The following XKR5 variants were observed in gnomAD, a reference collection of about 807,000 sequenced individuals.
The protein encoded by XKR5 is XK-related protein 5.
In XKR5, 46 loss-of-function variants were observed where a neutral mutation model predicts 40.8. The observed-to-expected ratio is 1.13, with a 90% confidence interval of 0.89 to 1.44. The LOEUF (loss-of-function observed/expected upper bound fraction) is 1.44. Ranked by LOEUF, XKR5 falls within the 40% of genes most tolerant of loss-of-function variation. XKR5 has a pLI of 0.00. For missense variants in XKR5, 1,169 were observed against 844.7 expected (o/e 1.38, Z -4.76); for synonymous variants, 466 against 356.1 (o/e 1.31, Z -3.48).
Position 6,811,304 on chromosome 8 carries a change from C to T in XKR5, c.1955G>A (p.Arg652Lys), listed in dbSNP as rs746041075. Reference protein sequence around the residue: ...VGVWVSLPQLRTAHEPCLTST... With the variant: ...VGVWVSLPQLKTAHEPCLTST... ...CGTGAGGCAGGGCTCATGGGCAGTC[C>T]TCAGCTGTGGCAATGACACCCACAC... Residue 652 changes from arginine to lysine, a missense_variant, in exon 7 of 7, where the codon AGG (arginine) becomes AAG (lysine). Transcript: ENST00000618742. 1 of 1,537,332 alleles carries T rather than the reference C, an allele frequency of 6.5e-7. No homozygotes were observed. The highest frequency in any genetic ancestry group is 8.7e-7 in the Non-Finnish European group (1 of 1,146,946).
chr8:6,814,544 C>G (rs569778293), intron 6 of XKR5, among the ~76,000 whole-genome samples: 1 of 152,260 alleles, frequency 6.6e-6, no homozygotes, highest in South Asian at 2.1e-4. Flanking sequence ...CCCTGCACCT[C>G]GACGTACTAC....
intron 5 of XKR5, among the ~76,000 whole-genome samples, chr8:6,817,697 C>G (rs1378883907): frequency 6.6e-6 from 1 of 152,188 alleles, no homozygotes; most frequent in African/African-American, 2.4e-5. Context: ...CCGAGCAGTT[C>G]CTTTAGAAAG....
Position 6,811,812 on chromosome 8 carries a change from C to T in XKR5, c.1447G>A (p.Glu483Lys). 4.6e-6 allele frequency: 7 copies of T among 1,537,638 alleles called. No individual in the cohort carries two copies. Among genetic ancestry groups the T allele is most frequent in the Non-Finnish European group, 6.1e-6 (7 of 1,146,998 alleles). Residue 483 changes from glutamate to lysine, a missense_variant, in exon 7 of 7, where the codon GAA (glutamate) becomes AAA (lysine). Physicochemically the swap from Glu to Lys is moderately conservative, Grantham distance 56. Coordinates refer to ENST00000618742, the MANE Select transcript of XKR5 (RefSeq NM_207411.5). The part of the protein sequence containing the change: ...GVPKAEADPL[E>K]TSSYVSFASD... ...GCAAAAGATACGTAACTTGAGGTTTCCAATGGGTCGGCCTCTGCTTTAGGG... is the reference window on the plus strand; with the variant it reads ...GCAAAAGATACGTAACTTGAGGTTTTCAATGGGTCGGCCTCTGCTTTAGGG...
intron 2 of XKR5, among the ~76,000 whole-genome samples, chr8:6,827,989 G>T (rs950451353): frequency 3.3e-5 from 5 of 152,040 alleles, no homozygotes; most frequent in Non-Finnish European, 7.4e-5. Flanking sequence ...GATCACTTGA[G>T]CCCAGAAGTT....
rs780543245 is a variant in XKR5 at position 6,810,945 on chromosome 8, A to T, written c.*253T>A. On this transcript the variant is annotated 3_prime_UTR_variant, in exon 7 of 7. Coordinates refer to ENST00000618742, the MANE Select transcript of XKR5 (RefSeq NM_207411.5). ...TCATAAAAGGTAGCAGACAATTTTG[A>T]CTGGAATCTCTTTCTCCTCCTCTAA... The T allele has an allele frequency of 2.9e-6, 1 of 346,326 alleles. No individual in the cohort carries two copies. Among genetic ancestry groups the T allele is most frequent in the Non-Finnish European group, 5.2e-6 (1 of 192,718 alleles). 21.5% of individuals were successfully genotyped at this position (346,326 alleles called of 1,614,324 possible).
intron 5 of XKR5, among the ~76,000 whole-genome samples, chr8:6,816,922 G>A (rs539817968): frequency 3.2e-4 from 48 of 152,172 alleles, no homozygotes; most frequent in African/African-American, 1.1e-3. Flanking sequence ...GAGCTGCTTC[G>A]TAATCCTATG....
In XKR5 at chr8:6,808,706, C is replaced by T. The variant is rs1176342832; in HGVS notation, c.*2492G>A. 6.6e-6 allele frequency: 1 copy of T among 152,176 alleles called. No individual in the cohort carries two copies. The highest frequency in any genetic ancestry group is 1.5e-5 in the Non-Finnish European group (1 of 68,034). 9.4% of individuals were successfully genotyped at this position (152,176 alleles called of 1,614,324 possible). On this transcript the variant is annotated 3_prime_UTR_variant, in exon 7 of 7. Coordinates refer to ENST00000618742, the MANE Select transcript of XKR5 (RefSeq NM_207411.5). ...TGATTTCTGCATACTCAGTGCCTGT[C>T]ATACTCAACTAATATTCCTTAAATG...
At chr8:6,827,586 C>G (rs1804569037) in intron 2 of XKR5, among the ~76,000 whole-genome samples, 1 of 152,198 alleles carries the variant, frequency 6.6e-6, no homozygotes, top group Admixed American at 6.5e-5. Context: ...CTTACTGTGT[C>G]TTGATTCCTG....
intron 2 of XKR5, among the ~76,000 whole-genome samples, chr8:6,830,485 C>A (rs1477327868): frequency 6.6e-6 from 1 of 152,176 alleles, no homozygotes; most frequent in East Asian, 1.9e-4. Context: ...AGAAACACTG[C>A]AAATCTTGCG....
chr8:6,818,688 C>T (rs1804077777), intron 5 of XKR5, among the ~76,000 whole-genome samples: 1 of 152,210 alleles, frequency 6.6e-6, no homozygotes, highest in African/African-American at 2.4e-5. Flanking sequence ...GTCACACCTA[C>T]TGAGACAGAA....
chr8:6,832,028 A>C (rs1379671154), intron 2 of XKR5, among the ~76,000 whole-genome samples: 2 of 147,498 alleles, frequency 1.4e-5, no homozygotes, highest in African/African-American at 5.1e-5. Context: ...AAAAAAAAAA[A>C]AAAAAAACAA....
At chr8:6,825,938 G>A (rs1205058122) in intron 2 of XKR5, among the ~76,000 whole-genome samples, 2 of 152,200 alleles carry the variant, frequency 1.3e-5, no homozygotes, top group Non-Finnish European at 2.9e-5. Context: ...CTTGGAGGCT[G>A]ATGTGGTCCC....
In XKR5 at chr8:6,811,177, C is replaced by T. The variant is rs1171653510; in HGVS notation, c.*21G>A. The stretch of plus-strand genomic sequence containing the variant: ...CCAGCTTGGTTTGTCAGCCTGTTGT[C>T]TTATCCCACCATGACTGTGGTCAGA... On this transcript the variant is annotated 3_prime_UTR_variant, in exon 7 of 7. Transcript: ENST00000618742. 2.6e-6 allele frequency: 4 copies of T among 1,519,254 alleles called. No homozygotes were observed. The highest frequency in any genetic ancestry group is 4.9e-5 in the East Asian group (2 of 40,606). 94.1% of individuals were successfully genotyped at this position (1,519,254 alleles called of 1,614,324 possible). A position where few individuals can be genotyped will look rare whatever the true frequency, so the allele number is the denominator to read the frequency against.
chr8:6,821,934 A>G lies in XKR5; in HGVS notation c.742T>C (p.Tyr248His). The G allele has an allele frequency of 6.2e-6, 10 of 1,613,302 alleles. No individual in the cohort carries two copies. Among genetic ancestry groups the G allele is most frequent in the South Asian group, 1.1e-5 (1 of 90,860 alleles). The change falls in exon 5 of 7, where the codon TAC (tyrosine) becomes CAC (histidine). Residue 248 changes from tyrosine (Y) to histidine (H), a missense_variant. By Grantham distance (83) the Tyr-to-His change is moderately conservative. Transcript: ENST00000618742. Reference sequence around the variant, plus strand: ...CAGAAGCTGAGGTAGCAGAGGATGTACACGGCCCCCACGAGCAGGTTGAAC... The same window carrying G: ...CAGAAGCTGAGGTAGCAGAGGATGTGCACGGCCCCCACGAGCAGGTTGAAC... The part of the protein sequence containing the change: ...RLFNLLVGAV[Y>H]ILCYLSFWDS...
chr8:6,817,297 C>T (rs1804006144), intron 5 of XKR5, among the ~76,000 whole-genome samples: 1 of 152,198 alleles, frequency 6.6e-6, no homozygotes, highest in Admixed American at 6.5e-5. Flanking sequence ...TACTTCTCAA[C>T]AGAGCAGATG....
chr8:6,830,456 T>A (rs909299756), intron 2 of XKR5, among the ~76,000 whole-genome samples: 1 of 152,228 alleles, frequency 6.6e-6, no homozygotes, highest in Non-Finnish European at 1.5e-5. Context: ...TTTCTGTTTT[T>A]TGGTTCATGT....
At chr8:6,815,183 G>A (rs1221880262) in intron 6 of XKR5, among the ~76,000 whole-genome samples, 1 of 152,248 alleles carries the variant, frequency 6.6e-6, no homozygotes, top group African/African-American at 2.4e-5. Context: ...CACCTTTCAA[G>A]TGGGGGGCGG....
chr8:6,812,962 G>T (rs1803805988), intron 6 of XKR5, among the ~76,000 whole-genome samples: 1 of 152,214 alleles, frequency 6.6e-6, no homozygotes, highest in South Asian at 2.1e-4. Context: ...GTTGACTGCT[G>T]CAATAATTTC....
rs1328874040 is a variant in XKR5 at position 6,821,914 on chromosome 8, GC to G, written c.761del (p.Ser254ThrfsTer44). 2.0e-5 allele frequency: 32 copies of G among 1,613,362 alleles called. No homozygotes were observed. Among genetic ancestry groups the G allele is most frequent in the Non-Finnish European group, 2.6e-5 (31 of 1,179,712 alleles). On this transcript the variant is annotated frameshift_variant, in exon 5 of 7. Coordinates refer to ENST00000618742, the MANE Select transcript of XKR5 (RefSeq NM_207411.5). LOFTEE classifies it high-confidence loss of function. ...VGAVYILCYL[S>X]FWDSPSRNRM... ...TATTTCTAGAAGGGCTGTCCCAGAA[GC>G]TGAGGTAGCAGAGGATGTACACGGC...
Sources: gnomAD v4.1 joint callset for allele counts (sites outside exome capture counted in the v4.1 genomes callset) on GRCh38, gnomAD v4.1.1 for gene constraint, MANE v1.5 for transcripts, NCBI Gene and HGNC (gene_info 2026-07-23, HGNC 2026-07-21) for gene names.